The following SOX5 variants were observed in gnomAD, a reference collection of about 807,000 sequenced individuals.
The protein encoded by SOX5 is SRY-box transcription factor 5.
SOX5 carries 9 observed loss-of-function variants against 92.0 expected under a neutral mutation model. The observed-to-expected ratio is 0.10, with a 90% CI of 0.06 to 0.17. SOX5 has a LOEUF of 0.17. Ranked by LOEUF, SOX5 falls within the 10% of genes least tolerant of loss-of-function variation. The probability of loss-of-function intolerance (pLI) is 1.00; values close to 1 mark genes in which losing one functional copy is unlikely to be tolerated. For missense variants in SOX5, 642 were observed against 944.5 expected, an observed-to-expected ratio of 0.68 and a Z score of 4.20; for synonymous variants, 344 against 336.3, an observed-to-expected ratio of 1.02 and a Z score of -0.25.
At chr12:24,262,865 A>G (rs543317892) in intron 3 of SOX5, among the ~76,000 whole-genome samples, 1 of 152,332 alleles carries the variant, frequency 6.6e-6, no homozygotes, top group South Asian at 2.1e-4. Flanking sequence ...CATATCTGAA[A>G]TGGGATTACC....
intron 1 of SOX5, among the ~76,000 whole-genome samples, chr12:24,449,593 T>C (rs920434687): frequency 1.2e-4 from 18 of 152,232 alleles, no homozygotes; most frequent in African/African-American, 3.9e-4. Flanking sequence ...GCAGCTTATT[T>C]ACAGCTGTAG....
rs374300705 is a variant in SOX5 at position 23,604,524 on chromosome 12, C to T, written c.1027G>A (p.Ala343Thr). The T allele has an allele frequency of 1.5e-5, 24 of 1,613,030 alleles. No individual in the cohort carries two copies. Among genetic ancestry groups the T allele is most frequent in the Non-Finnish European group, 1.9e-5 (23 of 1,179,630 alleles). ...LGPLQLQQLY[A>T]AQLAAMQVSP... Reference sequence around the variant, plus strand: ...ACCTGCATTGCAGCTAGCTGGGCAGCATATAACTGCTACAGAAGAAAAAGA... The same window carrying T: ...ACCTGCATTGCAGCTAGCTGGGCAGTATATAACTGCTACAGAAGAAAAAGA... The change falls in exon 9 of 15, where the codon GCT becomes ACT. Residue 343 changes from alanine (A) to threonine (T), a missense_variant. By Grantham distance (58) the Ala-to-Thr change is moderately conservative. Coordinates refer to ENST00000451604, the MANE Select transcript of SOX5 (RefSeq NM_006940.6).
chr12:23,778,984 A>G (rs929239056), intron 3 of SOX5, among the ~76,000 whole-genome samples: 1 of 152,180 alleles, frequency 6.6e-6, no homozygotes, highest in African/African-American at 2.4e-5. Context: ...TGCAATAAAG[A>G]CTGTTAAGTC....
At chr12:24,093,480 G>A (rs1420512189) in intron 4 of SOX5, among the ~76,000 whole-genome samples, 2 of 149,776 alleles carry the variant, frequency 1.3e-5, no homozygotes, top group Non-Finnish European at 3.0e-5. Flanking sequence ...CCAAGATCGC[G>A]CCACTGCACT....
chr12:24,418,995 G>T (rs375848104), intron 1 of SOX5, among the ~76,000 whole-genome samples: 6 of 152,130 alleles, frequency 3.9e-5, no homozygotes, highest in African/African-American at 1.4e-4. Context: ...AGAAATTTCT[G>T]TCAAAAGAGG....
At chr12:24,173,781 G>C (rs926041059) in intron 4 of SOX5, among the ~76,000 whole-genome samples, 1 of 152,082 alleles carries the variant, frequency 6.6e-6, no homozygotes, top group Non-Finnish European at 1.5e-5. Flanking sequence ...TTTTATGAAC[G>C]TCCACTGTAA....
At chr12:24,240,209 C>T (rs1181910118) in intron 3 of SOX5, among the ~76,000 whole-genome samples, 1 of 152,106 alleles carries the variant, frequency 6.6e-6, no homozygotes, top group Non-Finnish European at 1.5e-5. Context: ...AAAATTAAAA[C>T]CCTGATTTTA....
intron 4 of SOX5, among the ~76,000 whole-genome samples, chr12:24,048,111 T>C (rs1169741487): frequency 6.6e-6 from 1 of 152,188 alleles, no homozygotes; most frequent in Non-Finnish European, 1.5e-5. Flanking sequence ...AAAGTTACTA[T>C]ATGATCAGCA....
chr12:24,254,214 G>T (rs1490757410), intron 3 of SOX5, among the ~76,000 whole-genome samples: 1 of 151,646 alleles, frequency 6.6e-6, no homozygotes, highest in Non-Finnish European at 1.5e-5. Context: ...GTCTCATCGG[G>T]ACATAATTTT....
At chr12:23,791,862 G>T (rs1252849746) in intron 3 of SOX5, among the ~76,000 whole-genome samples, 5 of 151,828 alleles carry the variant, frequency 3.3e-5, no homozygotes, top group East Asian at 2.0e-4. Flanking sequence ...TTCAAATAAA[G>T]TATTTGAAAT....
In SOX5 at chr12:23,750,655, T is replaced by A. The variant is rs1594020866; in HGVS notation, c.568+4983A>T. 2.6e-5 allele frequency among the ~76,000 whole-genome samples: 4 copies of A among 151,910 alleles called. No individual in the cohort carries two copies. The East Asian group carries it at 7.7e-4, about 29-fold the overall frequency. On this transcript the variant is annotated intron_variant, in intron 4 of 14. Transcript: ENST00000451604. ...CAAGCAATTTTTTTAAATGAATGAA[T>A]GCATTTTTAAATGAGAAACATGTTG...
Position 23,978,104 on chromosome 12 carries a change from T to C in SOX5, c.-1-82080A>G, listed in dbSNP as rs537261795. Among the ~76,000 whole-genome samples the C allele has an allele frequency of 6.6e-5, 10 of 152,334 alleles. No homozygotes were observed. In the East Asian group the frequency reaches 1.9e-3, roughly 29 times the overall value. ...GTGATTCATATAACTATTATTAATC[T>C]TCAATAAATTCTGCTGGAGTAAGGA... On this transcript the variant is annotated intron_variant, in intron 4 of 4. Transcript: ENST00000446891.
chr12:23,925,547 G>T (rs1160268958), intron 1 of SOX5, among the ~76,000 whole-genome samples: 1 of 152,062 alleles, frequency 6.6e-6, no homozygotes, highest in Non-Finnish European at 1.5e-5. Context: ...ATATGAAGAT[G>T]AACAGTAAAT....
chr12:24,003,707 G>A (rs1310815934), intron 4 of SOX5, among the ~76,000 whole-genome samples: 1 of 150,786 alleles, frequency 6.6e-6, no homozygotes, highest in Non-Finnish European at 1.5e-5. Context: ...AGTATGTTAA[G>A]ATGGAAATTA....
At chr12:23,823,461 G>T (rs1297759555) in intron 3 of SOX5, among the ~76,000 whole-genome samples, 2 of 152,156 alleles carry the variant, frequency 1.3e-5, no homozygotes, top group African/African-American at 4.8e-5. Flanking sequence ...CTTCTGGCTT[G>T]TAGGGTTTCT....
intron 2 of SOX5, among the ~76,000 whole-genome samples, chr12:24,314,877 G>C (rs1462562548): frequency 6.6e-6 from 1 of 152,200 alleles, no homozygotes; most frequent in Non-Finnish European, 1.5e-5. Flanking sequence ...ATTGTGCCTA[G>C]AACCTAGTTG....
intron 2 of SOX5, among the ~76,000 whole-genome samples, chr12:23,880,196 A>G (rs2096972422): frequency 6.6e-6 from 1 of 152,292 alleles, no homozygotes; most frequent in Non-Finnish European, 1.5e-5. Context: ...ACACAGTTTC[A>G]GGGGGTTCAC....
intron 4 of SOX5, among the ~76,000 whole-genome samples, chr12:24,165,729 A>C (rs1953322860): frequency 6.6e-6 from 1 of 152,128 alleles, no homozygotes; most frequent in Non-Finnish European, 1.5e-5. Flanking sequence ...AGTTTGGCAG[A>C]GCCAACGGTG....
intron 1 of SOX5, among the ~76,000 whole-genome samples, chr12:24,455,873 C>A (rs1242803650): frequency 6.6e-6 from 1 of 152,144 alleles, no homozygotes; most frequent in African/African-American, 2.4e-5. Flanking sequence ...GACTGTCCTA[C>A]AAAGCGTCTA....
Sources: gnomAD v4.1 joint callset for allele counts (sites outside exome capture counted in the v4.1 genomes callset) on GRCh38, gnomAD v4.1.1 for gene constraint, MANE v1.5 for transcripts, NCBI Gene and HGNC (gene_info 2026-07-23, HGNC 2026-07-21) for gene names.